Variants in SCTR observed in about 807,000 individuals in gnomAD.
SCTR encodes secretin receptor.
A neutral mutation model predicts 60.8 loss-of-function variants in SCTR; 56 were observed. That is an observed-to-expected ratio of 0.92 (90% CI 0.74 to 1.15). SCTR has a LOEUF of 1.15. Among genes scored for constraint, SCTR ranks in the 50% most tolerant of loss-of-function variants. SCTR has a pLI of 0.00. For synonymous variants in SCTR, 202 were observed against 217.0 expected (o/e 0.93, Z 0.61); for missense variants, 562 against 550.4 (o/e 1.02, Z -0.21).
rs1246488419 is a variant in SCTR, at chr2:119,494,455, C to G, written c.166G>C (p.Asp56His). ...GGCACTGGCTGCTCCGTGCCCAGGT[C>G]TCCTGTCTGCTCTCTGGAGAGTTCC... ...LQELSREQTG[D>H]LGTEQPVPGC... Residue 56 changes from aspartate (D) to histidine (H), a missense_variant, in exon 2 of 13, where the codon GAC becomes CAC. Coordinates refer to ENST00000019103, the MANE Select transcript of SCTR (RefSeq NM_002980.3). The G allele has an allele frequency of 6.2e-7, 1 of 1,614,004 alleles. No individual in the cohort carries two copies. The highest frequency in any genetic ancestry group is 8.5e-7 in the Non-Finnish European group (1 of 1,179,950).
At chr2:119,441,680 C>G (rs1682662458) in intron 11 of SCTR, 81 bp from the exon 12 acceptor site, 1 of 1,215,644 alleles carries the variant, frequency 8.2e-7, no homozygotes, top group South Asian at 1.3e-5. Context: ...GCACCCTCCC[C>G]AGGTCTCTTA....
intron 3 of SCTR, chr2:119,476,697 G>A (rs554064998): frequency 6.6e-6 from 1 of 152,548 alleles, no homozygotes; most frequent in African/African-American, 2.4e-5. Flanking sequence ...AGTGCTGCGG[G>A]AGGCGGAGGT....
At chr2:119,507,671 TTTTTTTTTC>T (rs1341457104) in intron 1 of SCTR, among the ~76,000 whole-genome samples, 4 of 127,402 alleles carry the variant, frequency 3.1e-5, no homozygotes, top group Middle Eastern at 4.2e-3. Context: ...TTCTTTTTTT[TTTTTTTTTC>T]TTTTTTTTTT....
chr2:119,461,821 G>A, intron 7 of SCTR, 26 bp downstream of exon 7: 2 of 1,591,964 alleles, frequency 1.3e-6, no homozygotes, highest in Non-Finnish European at 1.7e-6. Flanking sequence ...ATACCATGCA[G>A]ATATCAGACC....
intron 7 of SCTR, among the ~76,000 whole-genome samples, chr2:119,460,975 C>T (rs1046572111): frequency 3.9e-5 from 6 of 152,158 alleles, no homozygotes; most frequent in African/African-American, 9.7e-5. Context: ...TTCTTTCTCT[C>T]GTTGGAGTTC....
chr2:119,519,819 AAAAAAAAAG>A (rs1287681407), intron 1 of SCTR, among the ~76,000 whole-genome samples: 14 of 123,492 alleles, frequency 1.1e-4, no homozygotes, highest in South Asian at 5.8e-4. Flanking sequence ...TCAAAAAAAA[AAAAAAAAAG>A]AAAAAAAGAA....
intron 11 of SCTR, among the ~76,000 whole-genome samples, chr2:119,446,249 A>G (rs1196508257): frequency 2.0e-5 from 3 of 152,072 alleles, no homozygotes; most frequent in Non-Finnish European, 2.9e-5. Context: ...CCTTTTCCTC[A>G]CATGCGACTG....
At chr2:119,499,243 C>G (rs1396359893) in intron 1 of SCTR, among the ~76,000 whole-genome samples, 1 of 151,972 alleles carries the variant, frequency 6.6e-6, no homozygotes, top group Non-Finnish European at 1.5e-5. Flanking sequence ...ACTGATAGAA[C>G]TGAAAGGAGA....
At chr2:119,461,711 CAAAAAAAAAAAA>C in intron 7 of SCTR, 124 bp downstream of exon 7, 2 of 291,098 alleles carry the variant, frequency 6.9e-6, no homozygotes. Flanking sequence ...AACTCCAACT[CAAAAAAAAAAAA>C]AAAAAAAAAG....
intron 12 of SCTR, among the ~76,000 whole-genome samples, 181 bp from the exon 13 acceptor site, chr2:119,440,438 C>T (rs1188344628): frequency 6.6e-6 from 1 of 152,214 alleles, no homozygotes; most frequent in Admixed American, 6.5e-5. Context: ...TACTGAGGGT[C>T]CCCTCTCTCC....
chr2:119,483,858 G>A (rs1192928979), intron 2 of SCTR, among the ~76,000 whole-genome samples: 5 of 151,960 alleles, frequency 3.3e-5, no homozygotes, highest in Admixed American at 2.6e-4. Flanking sequence ...AGTCCCTGTG[G>A]CCTCCTCAGT....
At chr2:119,450,874 G>A (rs1284206268) in intron 9 of SCTR, among the ~76,000 whole-genome samples, 1 of 152,150 alleles carries the variant, frequency 6.6e-6, no homozygotes, top group Non-Finnish European at 1.5e-5. Context: ...ATGTGAGAGG[G>A]TCACCTGAGC....
intron 4 of SCTR, among the ~76,000 whole-genome samples, chr2:119,468,506 C>G (rs145351266): frequency 2.7e-4 from 41 of 152,356 alleles, no homozygotes; most frequent in Non-Finnish European, 5.3e-4. Context: ...ACCTTGCAGA[C>G]TTGTTGGAAG....
At chr2:119,489,846 C>A (rs749513071) in intron 2 of SCTR, among the ~76,000 whole-genome samples, 8 of 150,250 alleles carry the variant, frequency 5.3e-5, no homozygotes, top group Non-Finnish European at 8.8e-5. Flanking sequence ...CATCCTGGAA[C>A]CACTGGAGAA....
chr2:119,520,701 G>C (rs574764204), intron 1 of SCTR, among the ~76,000 whole-genome samples: 6 of 152,154 alleles, frequency 3.9e-5, no homozygotes, highest in African/African-American at 1.4e-4. Context: ...GAAAAAGATG[G>C]GAAGGGAGGG....
At chr2:119,459,309 T>C (rs535449309) in intron 7 of SCTR, among the ~76,000 whole-genome samples, 11 of 152,072 alleles carry the variant, frequency 7.2e-5, no homozygotes, top group Admixed American at 1.3e-4. Flanking sequence ...AAATTCTTCA[T>C]AGAGAATGAC....
chr2:119,465,704 C>A, intron 5 of SCTR, 85 bp downstream of exon 5: 1 of 912,276 alleles, frequency 1.1e-6, no homozygotes, highest in Non-Finnish European at 1.8e-6. Flanking sequence ...AGACCTTCCT[C>A]TTTCTGTCCT....
At chr2:119,484,297 C>A (rs953243597) in intron 2 of SCTR, among the ~76,000 whole-genome samples, 1 of 152,136 alleles carries the variant, frequency 6.6e-6, no homozygotes, top group Non-Finnish European at 1.5e-5. Flanking sequence ...ACGCCTCTGT[C>A]GTCTCTGATG....
rs756607365 is a variant in SCTR at position 119,473,516 on chromosome 2, T to C, written c.342A>G (p.Glu114=). Residue 114 remains glutamate, a synonymous_variant, in exon 4 of 13, where the codon GAA becomes GAG. Transcript: ENST00000019103. The part of the protein sequence containing the change: ...FRNCTQDGWS[E]TFPRPNLACG... ...AGGCCAGATTAGGCCTGGGGAAGGT[T>C]TCTGACCAGCCATCCTGTGTGCAGT... is the stretch of plus-strand genomic sequence containing the variant. 5.1e-5 allele frequency: 82 copies of C among 1,613,990 alleles called. No homozygotes were observed. The highest frequency in any genetic ancestry group is 6.2e-5 in the Non-Finnish European group (73 of 1,179,984).
Sources: allele counts gnomAD v4.1 joint callset (sites outside exome capture counted in the v4.1 genomes callset), GRCh38; gene constraint gnomAD v4.1.1; transcripts MANE v1.5; gene names NCBI Gene and HGNC (gene_info 2026-07-23, HGNC 2026-07-21).